The following ZNF469 variants were observed in gnomAD, a reference collection of about 807,000 sequenced individuals.
ZNF469 encodes the protein zinc finger protein 469.
Under a neutral mutation model 1.0 loss-of-function variants are expected in ZNF469, and 1 was observed. That is an observed-to-expected ratio of 1.00 (90% CI 0.35 to 4.73). The LOEUF (loss-of-function observed/expected upper bound fraction) is 4.73. Among genes scored for constraint, ZNF469 ranks in the 30% most tolerant of loss-of-function variants. The probability of loss-of-function intolerance (pLI) is 0.16; values close to 1 mark genes in which losing one functional copy is unlikely to be tolerated. For synonymous variants in ZNF469, 2,703 were observed against 2,363.4 expected (o/e 1.14, Z -4.17); for missense variants, 6,100 against 5,356.3 (o/e 1.14, Z -4.33).
At chr16:88,384,074 C>T (rs939475773) in intron 1 of ZNF469, among the ~76,000 whole-genome samples, 2 of 152,338 alleles carry the variant, frequency 1.3e-5, no homozygotes, top group Non-Finnish European at 2.9e-5. Context: ...GCTCCTGCAG[C>T]GGAGGCGGTT....
chr16:88,203,569 G>T, the ZNF469 span, among the ~76,000 whole-genome samples: 3 of 152,308 alleles, frequency 2.0e-5, no homozygotes, highest in Admixed American at 6.5e-5. Flanking sequence ...TCAGCCTGGA[G>T]ACCAAAATCC....
the ZNF469 span, among the ~76,000 whole-genome samples, chr16:88,241,314 G>T: frequency 6.6e-6 from 1 of 151,294 alleles, no homozygotes; most frequent in Non-Finnish European, 1.5e-5. The surrounding 1 kb of genome is among the most constrained non-coding windows in gnomAD (Gnocchi z 4.8). Flanking sequence ...AGCCAAGATC[G>T]CGCCACTGCA....
Position 88,436,632 on chromosome 16 carries a change from G to GA in ZNF469, c.9163dup (p.Met3055AsnfsTer11), listed in dbSNP as rs1410479455. Reference sequence around the variant, plus strand: ...TTGAGGTGCTCAGCACCAAGTTTGAGATGCAAGACCTGTGCTTTCTGGGAC... The same window carrying GA: ...TTGAGGTGCTCAGCACCAAGTTTGAGAATGCAAGACCTGTGCTTTCTGGGAC... On this transcript the variant is annotated frameshift_variant, in exon 3 of 3. Transcript: ENST00000565624. LOFTEE classifies it low-confidence loss of function (END_TRUNC). 1 of 1,550,294 alleles carries GA rather than the reference G, an allele frequency of 6.5e-7. No individual in the cohort carries two copies. Among genetic ancestry groups the GA allele is most frequent in the Non-Finnish European group, 8.7e-7 (1 of 1,146,988 alleles).
chr16:88,426,800 A>G (rs1043718940), intron 2 of ZNF469, among the ~76,000 whole-genome samples: 1 of 152,118 alleles, frequency 6.6e-6, no homozygotes, highest in African/African-American at 2.4e-5. Flanking sequence ...GCTTGGAACC[A>G]GCCGCCCAGG....
At chr16:88,171,180 T>G in the ZNF469 span, among the ~76,000 whole-genome samples, 1 of 152,220 alleles carries the variant, frequency 6.6e-6, no homozygotes, top group Non-Finnish European at 1.5e-5. Flanking sequence ...TTGGCAAAAG[T>G]CATGAGGATG....
At chr16:88,252,707 T>C in the ZNF469 span, among the ~76,000 whole-genome samples, 9 of 152,250 alleles carry the variant, frequency 5.9e-5, no homozygotes, top group Admixed American at 3.3e-4. Context: ...TGTGTATGTG[T>C]GTATTACTGA....
At chr16:88,141,534 A>G in the ZNF469 span, among the ~76,000 whole-genome samples, 2 of 33,480 alleles carry the variant, frequency 6.0e-5, no homozygotes, top group African/African-American at 2.0e-4. Context: ...CCTGCTATGA[A>G]ACGCTCAGCC....
the ZNF469 span, among the ~76,000 whole-genome samples, chr16:88,268,115 C>T: frequency 3.9e-5 from 6 of 152,144 alleles, no homozygotes; most frequent in Non-Finnish European, 7.3e-5. Flanking sequence ...ATTGACATGT[C>T]GTCTTTGGTG....
At chr16:88,169,722 A>T in the ZNF469 span, among the ~76,000 whole-genome samples, 1 of 152,102 alleles carries the variant, frequency 6.6e-6, no homozygotes, top group African/African-American at 2.4e-5. This position sits in a 1 kb window ranked among gnomAD's most constrained non-coding sequence, Gnocchi z 6.1. Context: ...CCGTCCCAGC[A>T]CCCAGCCAGT....
chr16:88,135,434 G>T, the ZNF469 span, among the ~76,000 whole-genome samples: 5 of 152,250 alleles, frequency 3.3e-5, no homozygotes, highest in Non-Finnish European at 7.3e-5. Context: ...GATGGACGAG[G>T]TTGGCCAGGG....
chr16:88,182,125 C>T, the ZNF469 span, among the ~76,000 whole-genome samples: 87,714 of 151,960 alleles, frequency 0.58, 27,472 homozygotes, highest in Non-Finnish European at 0.71. Context: ...CAATATTCAC[C>T]ATAACATCAC....
At chr16:88,268,537 TCTC>T in the ZNF469 span, among the ~76,000 whole-genome samples, 1 of 152,182 alleles carries the variant, frequency 6.6e-6, no homozygotes, top group Non-Finnish European at 1.5e-5. Context: ...CAATTTGAGT[TCTC>T]CTGGCGTTTT....
chr16:88,216,455 C>T, the ZNF469 span, among the ~76,000 whole-genome samples: 3 of 149,356 alleles, frequency 2.0e-5, no homozygotes, highest in Admixed American at 1.3e-4. Context: ...GATCACGCCA[C>T]TGCACTCCAG....
chr16:88,147,866 C>T, the ZNF469 span, among the ~76,000 whole-genome samples: 2 of 152,144 alleles, frequency 1.3e-5, no homozygotes, highest in Admixed American at 6.5e-5. Flanking sequence ...GAAGAGAAAC[C>T]ACAGCCTATG....
At chr16:88,368,019 C>G in the ZNF469 span, among the ~76,000 whole-genome samples, 1 of 152,184 alleles carries the variant, frequency 6.6e-6, no homozygotes, top group African/African-American at 2.4e-5. Context: ...TGAGTGTCCT[C>G]CCTACACAGG....
chr16:88,146,282 C>T, the ZNF469 span, among the ~76,000 whole-genome samples: 4 of 152,192 alleles, frequency 2.6e-5, no homozygotes, highest in East Asian at 3.9e-4. Flanking sequence ...CAGGGACCCT[C>T]GCTGCGGGCC....
chr16:88,181,803 G>A, the ZNF469 span, among the ~76,000 whole-genome samples: 1 of 152,154 alleles, frequency 6.6e-6, no homozygotes, highest in East Asian at 1.9e-4. Flanking sequence ...ATATGATAAT[G>A]ATCGAAGCAG....
chr16:88,378,417 G>A (rs561039315), upstream of ZNF469, among the ~76,000 whole-genome samples: 9 of 152,310 alleles, frequency 5.9e-5, no homozygotes, highest in African/African-American at 1.2e-4. Flanking sequence ...GAGAGGCCCC[G>A]TGATCGCTGT....
At chr16:88,187,548 A>C in the ZNF469 span, among the ~76,000 whole-genome samples, 1 of 152,048 alleles carries the variant, frequency 6.6e-6, no homozygotes, top group Non-Finnish European at 1.5e-5. Context: ...GACCCCAACA[A>C]CTGCTCCCCA....
Sources: allele counts gnomAD v4.1 joint callset (sites outside exome capture counted in the v4.1 genomes callset), GRCh38; gene constraint gnomAD v4.1.1; non-coding constraint Gnocchi (gnomAD v3.1); transcripts MANE v1.5; gene names NCBI Gene and HGNC (gene_info 2026-07-23, HGNC 2026-07-21).